SEMA3E: variants seen among roughly 807,000 people sequenced by gnomAD.
The protein encoded by SEMA3E is semaphorin-3E.
A neutral mutation model predicts 93.6 loss-of-function variants in SEMA3E; 49 were observed. The ratio of observed to expected loss-of-function variants is 0.52; its 90% CI spans 0.42 to 0.66. The LOEUF is 0.66. Ranked by LOEUF, SEMA3E falls within the 30% of genes least tolerant of loss-of-function variation. SEMA3E has a pLI of 0.00. For synonymous variants in SEMA3E, 363 were observed against 330.7 expected, an observed-to-expected ratio of 1.10 and a Z score of -1.06; for missense variants, 906 against 964.8, an observed-to-expected ratio of 0.94 and a Z score of 0.81.
chr7:83,421,361 T>C (rs1264431830), intron 4 of SEMA3E, among the ~76,000 whole-genome samples: 1 of 141,560 alleles, frequency 7.1e-6, no homozygotes, highest in East Asian at 1.9e-4. Flanking sequence ...GAAAAACTAC[T>C]TTATTGGCTC....
chr7:83,528,582 A>G (rs981275018), intron 1 of SEMA3E, among the ~76,000 whole-genome samples: 11 of 152,238 alleles, frequency 7.2e-5, no homozygotes, highest in African/African-American at 2.4e-5. Context: ...TACTCATTCA[A>G]TTATCTATAC....
intron 1 of SEMA3E, among the ~76,000 whole-genome samples, chr7:83,544,980 T>C (rs1791615315): frequency 5.9e-5 from 9 of 152,126 alleles, no homozygotes; most frequent in Admixed American, 5.9e-4. Context: ...GATGAAAGCA[T>C]TTTCAATCAT....
At chr7:83,523,561 G>A (rs1791091335) in intron 1 of SEMA3E, among the ~76,000 whole-genome samples, 1 of 151,916 alleles carries the variant, frequency 6.6e-6, no homozygotes, top group Admixed American at 6.6e-5. Flanking sequence ...TCTCTCAGTG[G>A]CATGTGCTTC....
chr7:83,579,568 AT>A (rs1792478484), intron 1 of SEMA3E, among the ~76,000 whole-genome samples: 1 of 152,114 alleles, frequency 6.6e-6, no homozygotes, highest in South Asian at 2.1e-4. Flanking sequence ...CAAGACAACC[AT>A]TGGTACATGG....
chr7:83,386,037 G>A (rs1787873190), intron 15 of SEMA3E, among the ~76,000 whole-genome samples: 1 of 151,944 alleles, frequency 6.6e-6, no homozygotes, highest in Non-Finnish European at 1.5e-5. Context: ...GCTGCAGTAG[G>A]GAATAAAAGG....
At chr7:83,386,664 G>A (rs188522309) in intron 15 of SEMA3E, among the ~76,000 whole-genome samples, 6 of 152,276 alleles carry the variant, frequency 3.9e-5, no homozygotes, top group African/African-American at 1.4e-4. Flanking sequence ...CCCAGTATGA[G>A]ATAAAGAGGT....
At chr7:83,436,366 A>C (rs1334268702) in intron 4 of SEMA3E, among the ~76,000 whole-genome samples, 2 of 151,556 alleles carry the variant, frequency 1.3e-5, no homozygotes, top group African/African-American at 2.4e-5. Context: ...TGAGAATAAG[A>C]ATCAAGATTT....
At chr7:83,418,582 A>T (rs1011139461) in intron 4 of SEMA3E, 99 bp from the exon 5 acceptor site, 2 of 854,510 alleles carry the variant, frequency 2.3e-6, no homozygotes, top group South Asian at 2.9e-5. Flanking sequence ...TTTATAAAGC[A>T]TGTATTCTAA....
At chr7:83,469,809 T>A (rs1419610868) in intron 2 of SEMA3E, among the ~76,000 whole-genome samples, 1 of 152,168 alleles carries the variant, frequency 6.6e-6, no homozygotes, top group East Asian at 1.9e-4. Context: ...TATCTTTTAT[T>A]TTTTTGAGGT....
intron 1 of SEMA3E, among the ~76,000 whole-genome samples, chr7:83,628,584 T>G (rs1340822492): frequency 2.6e-5 from 4 of 151,752 alleles, no homozygotes; most frequent in African/African-American, 9.7e-5. Flanking sequence ...TGGCCATTGA[T>G]ACTTGTGTAT....
At chr7:83,509,603 TG>T (rs1363759835) in intron 1 of SEMA3E, among the ~76,000 whole-genome samples, 1 of 152,120 alleles carries the variant, frequency 6.6e-6, no homozygotes, top group African/African-American at 2.4e-5. Flanking sequence ...GTGTTCAGTG[TG>T]GGGGATTTTC....
chr7:83,392,468 T>C, intron 14 of SEMA3E, 87 bp downstream of exon 14: 2 of 1,431,572 alleles, frequency 1.4e-6, no homozygotes, highest in Non-Finnish European at 1.9e-6. Context: ...AGGTATTTTC[T>C]GGAAAACTTC....
At chr7:83,591,790 C>T (rs907478416) in intron 1 of SEMA3E, among the ~76,000 whole-genome samples, 2 of 151,872 alleles carry the variant, frequency 1.3e-5, no homozygotes, top group African/African-American at 4.8e-5. Flanking sequence ...ACTTCTTATG[C>T]CACTTGCCCT....
intron 1 of SEMA3E, among the ~76,000 whole-genome samples, chr7:83,592,164 G>A (rs954032953): frequency 4.0e-5 from 6 of 151,706 alleles, no homozygotes; most frequent in Admixed American, 6.6e-5. Flanking sequence ...ATATAGTAAC[G>A]GTTTTATTTT....
chr7:83,392,652 T>G lies in SEMA3E; in HGVS notation c.1570A>C (p.Ser524Arg). ...VRFHHCDMYG[S>R]ACADCCLARD... ...GCCAGGCAGCAGTCAGCACAAGCAC[T>G]TCCATACATGTCACAGTGATGGAAT... Residue 524 changes from serine to arginine, a missense_variant, in exon 14 of 17, where the codon AGT becomes CGT. Ser to Arg is a moderately radical substitution (Grantham distance 110). Transcript: ENST00000643230. 6.2e-7 allele frequency: 1 copy of G among 1,613,874 alleles called. No individual in the cohort carries two copies. Among genetic ancestry groups the G allele is most frequent in the South Asian group, 1.1e-5 (1 of 91,082 alleles).
At chr7:83,593,276 CTCTCTCTCTG>C (rs1234227504) in intron 1 of SEMA3E, among the ~76,000 whole-genome samples, 2 of 109,268 alleles carry the variant, frequency 1.8e-5, no homozygotes, top group Non-Finnish European at 3.4e-5. Flanking sequence ...CTCTCTCTCT[CTCTCTCTCTG>C]TGTGTGTGTG....
At chr7:83,502,015 T>C (rs542466173) in intron 1 of SEMA3E, among the ~76,000 whole-genome samples, 4 of 152,304 alleles carry the variant, frequency 2.6e-5, no homozygotes, top group African/African-American at 9.6e-5. Flanking sequence ...CTAAAAGTCT[T>C]CTGAAATTTA....
At chr7:83,372,568 A>AC in intron 16 of SEMA3E, 1 of 284,810 alleles carries the variant, frequency 3.5e-6, no homozygotes, top group East Asian at 5.6e-5. Flanking sequence ...AAAATCAGAA[A>AC]CCCAAGTTTG....
At position 83,387,813 on chromosome 7, in the gene SEMA3E, A is replaced by AATATATATGTTTATATATATATAACGTT. The variant is rs1249867983; in HGVS notation, c.1668-791_1668-764dup. 6.3e-3 allele frequency among the ~76,000 whole-genome samples: 869 copies of AATATATATGTTTATATATATATAACGTT among 138,094 alleles called. 31 individuals carry two copies. Among genetic ancestry groups the AATATATATGTTTATATATATATAACGTT allele is most frequent in the African/African-American group, 0.024 (778 of 32,292 alleles). The allele number at this position is 138,094 out of a possible 152,430, so 90.6% of individuals were successfully genotyped here. A position where few individuals can be genotyped will look rare whatever the true frequency, so the allele number is the denominator to read the frequency against. ...TTCTGTATCTGCGGAAAAATTCCAG[A>AATATATATGTTTATATATATATAACGTT]ATATATATGTTTATATATATATAAC... On this transcript the variant is annotated intron_variant, in intron 14 of 16. Transcript: ENST00000643230.
Sources: gnomAD v4.1 joint callset for allele counts (sites outside exome capture counted in the v4.1 genomes callset) on GRCh38, gnomAD v4.1.1 for gene constraint, MANE v1.5 for transcripts, NCBI Gene and HGNC (gene_info 2026-07-23, HGNC 2026-07-21) for gene names.